Variants in RERE observed in about 807,000 individuals in gnomAD.
RERE encodes arginine-glutamic acid dipeptide repeats, also known as arginine-glutamic acid dipeptide repeats protein.
A neutral mutation model predicts 146.1 loss-of-function variants in RERE; 40 were observed. The observed-to-expected ratio is 0.27, with a 90% CI of 0.21 to 0.36. The LOEUF is 0.36. Ranked by LOEUF, RERE falls within the 10% of genes least tolerant of loss-of-function variation. RERE has a pLI of 1.00. For missense variants in RERE, 1,933 were observed against 2,138.7 expected (o/e 0.90, Z 1.90); for synonymous variants, 1,003 against 866.0 (o/e 1.16, Z -2.78).
intron 10 of RERE, among the ~76,000 whole-genome samples, chr1:8,474,012 T>A (rs1323166268): frequency 6.6e-6 from 1 of 152,238 alleles, no homozygotes; most frequent in East Asian, 1.9e-4. Flanking sequence ...AAAGAAAGGA[T>A]CATGCTACAA....
At chr1:8,393,456 C>G (rs762695991) in intron 12 of RERE, among the ~76,000 whole-genome samples, 1 of 152,138 alleles carries the variant, frequency 6.6e-6, no homozygotes, top group Non-Finnish European at 1.5e-5. Flanking sequence ...CCTCCTTTCT[C>G]TTGCTGACTC....
chr1:8,718,455 A>G (rs995338377), intron 1 of RERE, among the ~76,000 whole-genome samples: 6 of 152,258 alleles, frequency 3.9e-5, no homozygotes, highest in Non-Finnish European at 7.3e-5. Flanking sequence ...TTTCATGAGA[A>G]AAGAGAAATG....
At chr1:8,813,787 G>C (rs915685151) in intron 1 of RERE, among the ~76,000 whole-genome samples, 3 of 151,842 alleles carry the variant, frequency 2.0e-5, no homozygotes, top group African/African-American at 7.3e-5. Flanking sequence ...GCTAATTTTT[G>C]TATTTTTAGT....
intron 8 of RERE, among the ~76,000 whole-genome samples, chr1:8,506,326 T>C (rs1179851446): frequency 6.6e-6 from 1 of 152,232 alleles, no homozygotes; most frequent in African/African-American, 2.4e-5. Context: ...CTTCTTTCAG[T>C]CTGTATCAGT....
At chr1:8,622,884 T>C (rs1213265145) in intron 3 of RERE, among the ~76,000 whole-genome samples, 3 of 152,206 alleles carry the variant, frequency 2.0e-5, no homozygotes, top group Admixed American at 6.5e-5. Flanking sequence ...TACATTTCTT[T>C]AGACTGAAAT....
At chr1:8,517,902 A>G (rs555690988) in intron 7 of RERE, among the ~76,000 whole-genome samples, 1 of 152,238 alleles carries the variant, frequency 6.6e-6, no homozygotes, top group Non-Finnish European at 1.5e-5. Context: ...CTGTAAATGA[A>G]TATCAAAAAG....
intron 1 of RERE, among the ~76,000 whole-genome samples, chr1:8,734,797 A>C (rs1013401283): frequency 1.3e-5 from 2 of 152,102 alleles, no homozygotes; most frequent in East Asian, 3.8e-4. Context: ...TTTCAAACTC[A>C]CCAACACTGT....
intron 1 of RERE, among the ~76,000 whole-genome samples, chr1:8,727,384 C>T (rs1438304645): frequency 1.3e-5 from 2 of 152,162 alleles, no homozygotes; most frequent in Admixed American, 6.5e-5. Context: ...TCAGGTGATC[C>T]GCCCGCCTCA....
rs1307287064 is a variant in RERE, at chr1:8,359,771, C to T, written c.3611G>A (p.Arg1204Gln). The T allele has an allele frequency of 5.0e-6, 8 of 1,600,146 alleles. No homozygotes were observed. The highest frequency in any genetic ancestry group is 3.3e-5 in the South Asian group (3 of 90,874). ...CGCCAACCCTGGACTCACAGCCGCC[C>T]GCTCTGCCTCGCGCTCCCGCTCTCG... ...REREREREAE[R>Q]AAKASSSAHE... Residue 1204 changes from arginine to glutamine, a missense_variant, in exon 19 of 23, where the codon CGG becomes CAG. Around this residue, in one of 11 missense-constraint regions of RERE, gnomAD observed 1,255 missense variants for 1,153.8 expected, o/e 1.09. Transcript: ENST00000400908.
chr1:8,494,780 G>A (rs144894201), intron 10 of RERE, among the ~76,000 whole-genome samples: 55 of 152,308 alleles, frequency 3.6e-4, no homozygotes, highest in Middle Eastern at 3.4e-3. Flanking sequence ...GATCTTCTAT[G>A]CACAGTACTT....
intron 1 of RERE, among the ~76,000 whole-genome samples, chr1:8,802,137 A>C (rs1641601776): frequency 6.6e-6 from 1 of 152,230 alleles, no homozygotes; most frequent in Non-Finnish European, 1.5e-5. Context: ...TATCAAATAA[A>C]GTCATTTAAC....
At chr1:8,698,462 T>G (rs1192692060) in intron 1 of RERE, among the ~76,000 whole-genome samples, 1 of 152,212 alleles carries the variant, frequency 6.6e-6, no homozygotes, top group African/African-American at 2.4e-5. Flanking sequence ...GGCTTTTGAC[T>G]TAAGCGATTT....
intron 8 of RERE, among the ~76,000 whole-genome samples, chr1:8,502,133 C>T (rs1252957019): frequency 3.4e-4 from 5 of 14,548 alleles, no homozygotes; most frequent in African/African-American, 1.3e-3. Context: ...CCCCTCTGCC[C>T]GGCCAGCCGC....
intron 1 of RERE, among the ~76,000 whole-genome samples, chr1:8,801,273 CTT>C (rs35607084): frequency 3.2e-4 from 47 of 147,046 alleles, no homozygotes; most frequent in African/African-American, 5.5e-4. Flanking sequence ...AAAAATTGTT[CTT>C]TTTTTTTTTT....
chr1:8,790,451 G>A (rs1422227053), intron 1 of RERE, among the ~76,000 whole-genome samples: 1 of 152,104 alleles, frequency 6.6e-6, no homozygotes, highest in Non-Finnish European at 1.5e-5. Flanking sequence ...AAGGTAATAG[G>A]TATAACCAAC....
At chr1:8,657,634 G>C (rs1227806651) in intron 1 of RERE, among the ~76,000 whole-genome samples, 2 of 152,142 alleles carry the variant, frequency 1.3e-5, no homozygotes, top group African/African-American at 4.8e-5. Context: ...ATCACGTGAG[G>C]TCAGAAGTTC....
chr1:8,741,837 A>G (rs911836181), intron 1 of RERE, among the ~76,000 whole-genome samples: 1 of 152,240 alleles, frequency 6.6e-6, no homozygotes, highest in African/African-American at 2.4e-5. Flanking sequence ...CTTTGAGATT[A>G]TATCTGATAT....
chr1:8,778,282 T>A (rs1164190368), intron 1 of RERE, among the ~76,000 whole-genome samples: 1 of 152,200 alleles, frequency 6.6e-6, no homozygotes, highest in Non-Finnish European at 1.5e-5. Flanking sequence ...GCAGTTAAAT[T>A]TACAATAAAT....
At chr1:8,370,881 C>G (rs1642011208) in intron 12 of RERE, among the ~76,000 whole-genome samples, 1 of 152,368 alleles carries the variant, frequency 6.6e-6, no homozygotes, top group South Asian at 2.1e-4. Context: ...AATCAAAAGG[C>G]AGCTCCACAA....
Sources: allele counts gnomAD v4.1 joint callset (sites outside exome capture counted in the v4.1 genomes callset), GRCh38; gene constraint gnomAD v4.1.1; regional missense constraint gnomAD v4.1.1; transcripts MANE v1.5; gene names NCBI Gene and HGNC (gene_info 2026-07-23, HGNC 2026-07-21).